Variants in HRG observed in about 807,000 individuals in gnomAD.
HRG encodes the protein histidine rich glycoprotein.
Under a neutral mutation model 29.5 loss-of-function variants are expected in HRG, and 26 were observed. The observed-to-expected ratio is 0.88, with a 90% CI of 0.65 to 1.22. The LOEUF (loss-of-function observed/expected upper bound fraction) is 1.22, where lower values mean the gene tolerates loss of function less well. HRG is among the 50% of genes most tolerant of loss of function. The pLI is 0.00. For missense variants in HRG, 671 were observed against 654.5 expected (o/e 1.03, Z -0.28); for synonymous variants, 243 against 240.4 (o/e 1.01, Z -0.10).
chr3:186,676,943 TG>T, intron 6 of HRG, 103 bp from the exon 7 acceptor site: 1 of 1,290,370 alleles, frequency 7.7e-7, no homozygotes. Context: ...TAAATTGATT[TG>T]TGGAATCTAT....
At position 186,671,941 on chromosome 3, in the gene HRG, T is replaced by C. The variant is rs561777249; in HGVS notation, c.558+152T>C. The C allele has an allele frequency of 2.8e-5, 20 of 714,518 alleles. 1 individual carries two copies. The South Asian group carries it at 3.3e-4, about 12-fold the overall frequency. 44.3% of individuals were successfully genotyped at this position (714,518 alleles called of 1,614,324 possible). On this transcript the variant is annotated intron_variant, in intron 4 of 6. Transcript: ENST00000232003. Reference sequence around the variant, plus strand: ...GGCCATAAAAGACAGGCAGCAGGTATTTAAAAAATACAAAAAAATTGCTTT... The same window carrying C: ...GGCCATAAAAGACAGGCAGCAGGTACTTAAAAAATACAAAAAAATTGCTTT...
chr3:186,668,337 A>G (rs939601902), intron 1 of HRG, among the ~76,000 whole-genome samples: 1 of 152,190 alleles, frequency 6.6e-6, no homozygotes, highest in Non-Finnish European at 1.5e-5. Context: ...AATAGACATG[A>G]GAGACGTTGC....
At position 186,675,126 on chromosome 3, in the gene HRG, T is replaced by C; in HGVS notation, c.677T>C (p.Val226Ala). 6.2e-7 allele frequency: 1 copy of C among 1,613,886 alleles called. No individual in the cohort carries two copies. Among genetic ancestry groups the C allele is most frequent in the Non-Finnish European group, 8.5e-7 (1 of 1,179,792 alleles). ...GFCRADLFYD[V>A]EALDLESPKN... ...TGCAGAGCAGATTTGTTCTATGATGTAGAAGCCTTGGACTTGGAAAGCCCG... is the reference window on the plus strand; with the variant it reads ...TGCAGAGCAGATTTGTTCTATGATGCAGAAGCCTTGGACTTGGAAAGCCCG... The change falls in exon 6 of 7, where the codon GTA becomes GCA. Residue 226 changes from valine to alanine, a missense_variant. Transcript: ENST00000232003.
intron 2 of HRG, 149 bp downstream of exon 2, chr3:186,669,200 T>C: frequency 6.8e-6 from 5 of 730,568 alleles, no homozygotes; most frequent in South Asian, 2.9e-5. Flanking sequence ...CCTTGAGCAA[T>C]ACTCTTGAGA....
intron 3 of HRG, among the ~76,000 whole-genome samples, chr3:186,671,335 T>A (rs1718784298): frequency 6.7e-6 from 1 of 149,478 alleles, no homozygotes; most frequent in Non-Finnish European, 1.5e-5. Context: ...TATTAACGAA[T>A]GTCATAGTTG....
intron 2 of HRG, 27 bp downstream of exon 2, chr3:186,669,078 G>T (rs1442841175): frequency 8.5e-7 from 1 of 1,170,468 alleles, no homozygotes; most frequent in South Asian, 1.2e-5. Flanking sequence ...CCTTCACTCT[G>T]CTCTTTTCAT....
rs901916451 is a variant in HRG at position 186,671,870 on chromosome 3, C to G, written c.558+81C>G. 1.1e-5 allele frequency: 13 copies of G among 1,173,874 alleles called. No homozygotes were observed. In the Admixed American group the frequency reaches 2.1e-4, roughly 19 times the overall value. The allele number at this position is 1,173,874 out of a possible 1,614,324, so 72.7% of individuals were successfully genotyped here. ...GCAGGAACTGAATGGCATACCCTCT[C>G]CACCTGCCTCAATTGACTAGCTGCC... On this transcript the variant is annotated intron_variant, in intron 4 of 6. Coordinates refer to ENST00000232003, the MANE Select transcript of HRG (RefSeq NM_000412.5).
intron 5 of HRG, 45 bp from the exon 6 acceptor site, chr3:186,675,044 A>G: frequency 7.5e-7 from 1 of 1,333,108 alleles, no homozygotes; most frequent in African/African-American, 1.4e-5. Flanking sequence ...GGTCATCTTC[A>G]CACCACCTGG....
intron 2 of HRG, 37 bp from the exon 3 acceptor site, chr3:186,669,901 A>G: frequency 9.7e-7 from 1 of 1,035,358 alleles, no homozygotes; most frequent in Non-Finnish European, 1.5e-6. Flanking sequence ...GCAGGATGCA[A>G]TGACTCAGCA....
chr3:186,676,208 A>G (rs1560041915), intron 6 of HRG, among the ~76,000 whole-genome samples: 2 of 151,972 alleles, frequency 1.3e-5, no homozygotes, highest in Non-Finnish European at 2.9e-5. Flanking sequence ...CTGAACAAGG[A>G]AGAGAGAGAA....
rs770081013 is a variant in HRG at position 186,666,046 on chromosome 3, T to C, written c.15T>C (p.Ile5=). Residue 5 remains isoleucine, a synonymous_variant, in exon 1 of 7, where the codon ATT becomes ATC. Coordinates refer to ENST00000232003, the MANE Select transcript of HRG (RefSeq NM_000412.5). Reference sequence around the variant, plus strand: ...GGTTTAACAAAATGAAGGCACTCATTGCAGCACTGCTTTTGATCACATTGC... The same window carrying C: ...GGTTTAACAAAATGAAGGCACTCATCGCAGCACTGCTTTTGATCACATTGC... MKAL[I]AALLLITLQY... 6.2e-7 allele frequency: 1 copy of C among 1,614,238 alleles called. No homozygotes were observed. Among genetic ancestry groups the C allele is most frequent in the East Asian group, 2.2e-5 (1 of 44,888 alleles).
At chr3:186,676,184 TA>T (rs144721553) in intron 6 of HRG, among the ~76,000 whole-genome samples, 2,503 of 152,060 alleles carry the variant, frequency 0.016, 66 homozygotes, top group African/African-American at 0.057. Context: ...AGCTATTTTT[TA>T]AAAAATTAAA....
chr3:186,675,440 G>A (rs1718951985), intron 6 of HRG, among the ~76,000 whole-genome samples: 1 of 151,984 alleles, frequency 6.6e-6, no homozygotes, highest in Non-Finnish European at 1.5e-5. Context: ...GGAAAGGAGT[G>A]CAATTGCCAG....
At chr3:186,672,670 A>G in intron 4 of HRG, 117 bp from the exon 5 acceptor site, 1 of 736,142 alleles carries the variant, frequency 1.4e-6, no homozygotes, top group East Asian at 2.7e-5. Flanking sequence ...AATGACACAT[A>G]CTGGTGATTT....
intron 5 of HRG, chr3:186,673,191 C>T (rs1718861772): frequency 2.4e-5 from 9 of 377,344 alleles, no homozygotes; most frequent in South Asian, 2.0e-4. Context: ...GCAACCTCCG[C>T]CTCCCGGGTT....
chr3:186,675,088 G>A lies in HRG; in HGVS notation c.640-1G>A. 1 of 1,607,964 alleles carries A rather than the reference G, an allele frequency of 6.2e-7. No homozygotes were observed. The highest frequency in any genetic ancestry group is 1.1e-5 in the South Asian group (1 of 90,942). ...ACTAACAGCTCCTCATTCCTTTGTA[G>A]GTCTTTGGATTCTGCAGAGCAGATT... On this transcript the variant is annotated splice_acceptor_variant, in intron 5 of 6. Transcript: ENST00000232003. LOFTEE classifies it high-confidence loss of function.
chr3:186,670,573 G>A (rs1052437213), intron 3 of HRG, among the ~76,000 whole-genome samples: 23 of 152,132 alleles, frequency 1.5e-4, no homozygotes, highest in Non-Finnish European at 2.5e-4. Flanking sequence ...TTGAGACAGA[G>A]TGTCGCTCTT....
At chr3:186,666,410 C>A (rs1016392305) in intron 1 of HRG, among the ~76,000 whole-genome samples, 196 bp downstream of exon 1, 4 of 152,116 alleles carry the variant, frequency 2.6e-5, no homozygotes, top group Non-Finnish European at 5.9e-5. Flanking sequence ...AACTATGATT[C>A]GATTTGTGGG....
rs80205675 is a variant in HRG at position 186,668,924 on chromosome 3, G to A, written c.184-11G>A. ...ATGTGCTACTCACATGTTGCTTTTG[G>A]CATTCCTCAGGAAAATACAACTGTA... On this transcript the variant is annotated splice_polypyrimidine_tract_variant and intron_variant, in intron 1 of 6. Transcript: ENST00000232003. The A allele has an allele frequency of 6.8e-7, 1 of 1,472,318 alleles. No homozygotes were observed. The highest frequency in any genetic ancestry group is 9.5e-7 in the Non-Finnish European group (1 of 1,050,870). The allele number at this position is 1,472,318 out of a possible 1,614,324, so 91.2% of individuals were successfully genotyped here.
Sources: allele counts gnomAD v4.1 joint callset (sites outside exome capture counted in the v4.1 genomes callset), GRCh38; gene constraint gnomAD v4.1.1; transcripts MANE v1.5; gene names NCBI Gene and HGNC (gene_info 2026-07-23, HGNC 2026-07-21).